SLC25A42: variants seen among roughly 807,000 people sequenced by gnomAD.
SLC25A42 encodes the protein solute carrier family 25 member 42, also known as mitochondrial coenzyme A transporter SLC25A42.
Under a neutral mutation model 34.7 loss-of-function variants are expected in SLC25A42, and 19 were observed. The observed-to-expected ratio is 0.55, with a 90% CI of 0.38 to 0.80. The LOEUF (loss-of-function observed/expected upper bound fraction) is 0.80, where lower values mean the gene tolerates loss of function less well. Among genes scored for constraint, SLC25A42 ranks in the 30% least tolerant of loss-of-function variants. The pLI is 0.00. For missense variants in SLC25A42, 364 were observed against 441.3 expected (o/e 0.82, Z 1.57); for synonymous variants, 205 against 191.2 (o/e 1.07, Z -0.59).
chr19:19,078,968 C>G (rs2059668512), intron 1 of SLC25A42, among the ~76,000 whole-genome samples: 1 of 152,062 alleles, frequency 6.6e-6, no homozygotes, highest in African/African-American at 2.4e-5. Context: ...GTATATAGTA[C>G]AGTCACAGTG....
Position 19,074,465 on chromosome 19 carries a change from C to T in SLC25A42, c.-35+10350C>T, listed in dbSNP as rs555702179. On this transcript the variant is annotated intron_variant, in intron 1 of 7. Coordinates refer to ENST00000318596, the MANE Select transcript of SLC25A42 (RefSeq NM_178526.5). ...CTGAGAGATTACAGGATCCATTTCA[C>T]GGCTGCTTATAATAAACTCCATCCA... is the stretch of plus-strand genomic sequence containing the variant. Among the ~76,000 whole-genome samples, 459 of 152,310 alleles carry T rather than the reference C, an allele frequency of 3.0e-3. 2 individuals are homozygous for T. Among genetic ancestry groups the T allele is most frequent in the Middle Eastern group, 6.8e-3 (2 of 294 alleles).
At chr19:19,069,580 G>A (rs1465534491) in intron 1 of SLC25A42, among the ~76,000 whole-genome samples, 1 of 152,164 alleles carries the variant, frequency 6.6e-6, no homozygotes, top group Admixed American at 6.5e-5. Flanking sequence ...TTCTTGGCTC[G>A]TGGCTACATC....
chr19:19,072,926 A>G (rs1018262314), intron 1 of SLC25A42, among the ~76,000 whole-genome samples: 2 of 150,748 alleles, frequency 1.3e-5, no homozygotes, highest in South Asian at 4.2e-4. Context: ...GAAGCCTTGA[A>G]CTCCTGGCCT....
At chr19:19,090,975 G>A (rs1461432060) in intron 1 of SLC25A42, among the ~76,000 whole-genome samples, 1 of 152,160 alleles carries the variant, frequency 6.6e-6, no homozygotes, top group Non-Finnish European at 1.5e-5. Context: ...TTGCCTTCCT[G>A]AGCTGCAGCA....
intron 1 of SLC25A42, among the ~76,000 whole-genome samples, chr19:19,068,929 G>A (rs956627111): frequency 6.6e-6 from 1 of 151,352 alleles, no homozygotes; most frequent in South Asian, 2.1e-4. Flanking sequence ...AGGAGGCTGA[G>A]GTGGGAGGAT....
intron 1 of SLC25A42, among the ~76,000 whole-genome samples, chr19:19,083,220 A>T (rs1382761648): frequency 6.6e-6 from 1 of 152,116 alleles, no homozygotes; most frequent in Non-Finnish European, 1.5e-5. Context: ...CTGAGATTAC[A>T]AGGCGTGAGC....
intron 1 of SLC25A42, among the ~76,000 whole-genome samples, chr19:19,093,471 A>G (rs2059748619): frequency 6.6e-6 from 1 of 152,172 alleles, no homozygotes; most frequent in South Asian, 2.1e-4. Flanking sequence ...ATATTAATGG[A>G]GCTCCACACT....
At chr19:19,071,853 G>A (rs1185419979) in intron 1 of SLC25A42, among the ~76,000 whole-genome samples, 2 of 151,192 alleles carry the variant, frequency 1.3e-5, no homozygotes, top group Admixed American at 1.3e-4. Flanking sequence ...GCAACAAAGC[G>A]AGAATCCGTC....
intron 1 of SLC25A42, among the ~76,000 whole-genome samples, chr19:19,071,167 C>G (rs912210836): frequency 1.3e-5 from 2 of 151,830 alleles, no homozygotes; most frequent in Non-Finnish European, 2.9e-5. Context: ...CCACCAAGCC[C>G]GGCTAACTTT....
intron 1 of SLC25A42, among the ~76,000 whole-genome samples, chr19:19,074,966 C>T (rs192248989): frequency 1.4e-4 from 22 of 152,004 alleles, no homozygotes; most frequent in Admixed American, 1.3e-3. Flanking sequence ...GCCTGGGCAG[C>T]GTAGCAAGAC....
chr19:19,107,850 T>G, intron 6 of SLC25A42, 44 bp from the exon 7 acceptor site: 1 of 1,610,670 alleles, frequency 6.2e-7, no homozygotes, highest in Non-Finnish European at 8.5e-7. Context: ...TCCCTGTGCC[T>G]GGGAGGCCTG....
intron 1 of SLC25A42, among the ~76,000 whole-genome samples, chr19:19,091,887 G>A (rs1458709308): frequency 6.6e-6 from 1 of 152,174 alleles, no homozygotes. Context: ...TAAAACAGCA[G>A]CAACAACAAA....
intron 1 of SLC25A42, among the ~76,000 whole-genome samples, chr19:19,067,021 CAAAA>C (rs11419955): frequency 6.1e-5 from 7 of 115,698 alleles, no homozygotes; most frequent in Non-Finnish European, 8.7e-5. Context: ...GACCCTGTCT[CAAAA>C]AAAAAAAAAA....
intron 1 of SLC25A42, among the ~76,000 whole-genome samples, chr19:19,085,235 C>A (rs2059701363): frequency 6.6e-6 from 1 of 152,098 alleles, no homozygotes; most frequent in African/African-American, 2.4e-5. Context: ...CCAGCTAGGC[C>A]CCACCAGCCA....
intron 1 of SLC25A42, among the ~76,000 whole-genome samples, chr19:19,080,481 A>G (rs1215910106): frequency 6.6e-6 from 1 of 152,054 alleles, no homozygotes; most frequent in African/African-American, 2.4e-5. Context: ...GGTTCTGCTG[A>G]TGAAATAGGT....
chr19:19,097,474 C>T (rs975745897), intron 2 of SLC25A42, among the ~76,000 whole-genome samples: 6 of 152,230 alleles, frequency 3.9e-5, no homozygotes, highest in African/African-American at 9.6e-5. Context: ...GATCCCACCA[C>T]GTGGACAAGC....
rs2059588112 is a variant in SLC25A42, at chr19:19,064,092, C to G, written c.-58C>G. On this transcript the variant is annotated 5_prime_UTR_variant, in exon 1 of 8. Transcript: ENST00000318596. ...CCGGGGGGGCCCAAGCGTCAGCGGC[C>G]CGCGCCTGTCGGGCTGAACTGAGGT... 1.3e-5 allele frequency: 2 copies of G among 152,264 alleles called. No individual in the cohort carries two copies. The highest frequency in any genetic ancestry group is 4.0e-4 in the South Asian group (2 of 4,974). The allele number at this position is 152,264 out of a possible 1,614,324, so 9.4% of individuals were successfully genotyped here. A position where few individuals can be genotyped will look rare whatever the true frequency, so the allele number is the denominator to read the frequency against.
chr19:19,077,389 C>T (rs1020618577), intron 1 of SLC25A42, among the ~76,000 whole-genome samples: 1 of 152,192 alleles, frequency 6.6e-6, no homozygotes, highest in Non-Finnish European at 1.5e-5. Flanking sequence ...GCCCCTGGCA[C>T]CTGCCATTCT....
At chr19:19,088,731 C>T (rs2059722152) in intron 1 of SLC25A42, among the ~76,000 whole-genome samples, 2 of 151,926 alleles carry the variant, frequency 1.3e-5, no homozygotes, top group Admixed American at 6.6e-5. Flanking sequence ...ATCTCCTGAC[C>T]TTGTGATCCC....
Sources: gnomAD v4.1 joint callset for allele counts (sites outside exome capture counted in the v4.1 genomes callset) on GRCh38, gnomAD v4.1.1 for gene constraint, MANE v1.5 for transcripts, NCBI Gene and HGNC (gene_info 2026-07-23, HGNC 2026-07-21) for gene names.